Variants in DENND1B observed in about 807,000 individuals in gnomAD.
The protein encoded by DENND1B is DENN domain-containing protein 1B.
In DENND1B, 59 loss-of-function variants were observed where a neutral mutation model predicts 90.1. The observed-to-expected ratio is 0.65, with a 90% CI of 0.53 to 0.81. The LOEUF (loss-of-function observed/expected upper bound fraction) is 0.81. Among genes scored for constraint, DENND1B ranks in the 40% least tolerant of loss-of-function variants. The pLI is 0.00. For synonymous variants in DENND1B, 337 were observed against 324.6 expected (o/e 1.04, Z -0.41); for missense variants, 862 against 912.6 (o/e 0.94, Z 0.71).
intron 10 of DENND1B, among the ~76,000 whole-genome samples, chr1:197,619,397 A>T (rs1170666881): frequency 6.6e-6 from 1 of 151,078 alleles, no homozygotes; most frequent in Non-Finnish European, 1.5e-5. Flanking sequence ...GACTGTATTA[A>T]CTCTTTCCAC....
At chr1:197,642,613 A>G (rs1354825079) in intron 10 of DENND1B, 98 bp downstream of exon 10, 17 of 745,702 alleles carry the variant, frequency 2.3e-5, no homozygotes, top group Non-Finnish European at 3.5e-5. Flanking sequence ...ATATTGTCTT[A>G]TAAGTACACA....
At chr1:197,766,907 C>T (rs959914291) in intron 2 of DENND1B, among the ~76,000 whole-genome samples, 1 of 152,092 alleles carries the variant, frequency 6.6e-6, no homozygotes, top group Non-Finnish European at 1.5e-5. Context: ...GATTCTCCTG[C>T]CTCAGCCTCT....
chr1:197,572,230 C>T (rs1673229585), intron 15 of DENND1B, among the ~76,000 whole-genome samples: 2 of 152,170 alleles, frequency 1.3e-5, no homozygotes, highest in Admixed American at 1.3e-4. Context: ...GCGCTTTTCC[C>T]ATGGTCTTAG....
chr1:197,556,057 A>G (rs1281871617), intron 15 of DENND1B, among the ~76,000 whole-genome samples: 2 of 152,040 alleles, frequency 1.3e-5, no homozygotes, highest in Admixed American at 6.6e-5. Context: ...TTTGCAACCA[A>G]TAAATGATGC....
At chr1:197,713,820 A>ACTATTGT (rs1558433024) in intron 3 of DENND1B, among the ~76,000 whole-genome samples, 73 of 56,050 alleles carry the variant, frequency 1.3e-3, no homozygotes, top group African/African-American at 3.4e-3. Flanking sequence ...ATTATATATA[A>ACTATTGT]TATATTATAT....
At chr1:197,600,617 T>C (rs1676117910) in intron 13 of DENND1B, among the ~76,000 whole-genome samples, 1 of 151,876 alleles carries the variant, frequency 6.6e-6, no homozygotes, top group African/African-American at 2.4e-5. Context: ...TATTTTGATC[T>C]AAGAATGAGT....
intron 2 of DENND1B, among the ~76,000 whole-genome samples, chr1:197,729,712 C>G (rs999907546): frequency 6.6e-6 from 1 of 152,186 alleles, no homozygotes; most frequent in Admixed American, 6.5e-5. Context: ...ATGTACAGCA[C>G]AGTACCTCTC....
chr1:197,559,527 T>G (rs1671989430), intron 15 of DENND1B, among the ~76,000 whole-genome samples: 1 of 151,922 alleles, frequency 6.6e-6, no homozygotes, highest in African/African-American at 2.4e-5. Flanking sequence ...TATCTCACAT[T>G]AGAAACCCTT....
At chr1:197,583,310 G>A in intron 14 of DENND1B, 57 bp from the exon 15 acceptor site, 1 of 1,515,748 alleles carries the variant, frequency 6.6e-7, no homozygotes, top group South Asian at 1.1e-5. Flanking sequence ...GAGAGAACTA[G>A]TCTCTTTAAA....
intron 10 of DENND1B, among the ~76,000 whole-genome samples, chr1:197,641,477 C>CAGTAAT (rs1680263716): frequency 2.0e-5 from 3 of 152,118 alleles, no homozygotes; most frequent in Admixed American, 1.3e-4. Flanking sequence ...GATATTACTG[C>CAGTAAT]ATCATTTATC....
intron 10 of DENND1B, among the ~76,000 whole-genome samples, chr1:197,618,088 C>A (rs1410896411): frequency 6.6e-6 from 1 of 151,042 alleles, no homozygotes; most frequent in African/African-American, 2.4e-5. Flanking sequence ...TAGGAAATTA[C>A]AATTTGTACA....
At chr1:197,544,905 GAAGAAGAAAAGAAGAAGAAAA>G (rs1670636627) in intron 18 of DENND1B, among the ~76,000 whole-genome samples, 3 of 7,830 alleles carry the variant, frequency 3.8e-4, no homozygotes, top group Admixed American at 2.0e-3. Flanking sequence ...GAAGAAGAAA[GAAGAAGAAAAGAAGAAGAAAA>G]GAGAAGAAGA....
chr1:197,625,821 A>C (rs971260056), intron 10 of DENND1B, among the ~76,000 whole-genome samples: 6 of 152,174 alleles, frequency 3.9e-5, no homozygotes, highest in Non-Finnish European at 8.8e-5. Flanking sequence ...AAAAGGATGG[A>C]GGAAGATCTA....
intron 10 of DENND1B, among the ~76,000 whole-genome samples, chr1:197,618,834 C>G (rs1677890999): frequency 6.6e-6 from 1 of 150,684 alleles, no homozygotes; most frequent in Non-Finnish European, 1.5e-5. Context: ...TATTATTATA[C>G]AAAGATATTT....
intron 2 of DENND1B, among the ~76,000 whole-genome samples, chr1:197,768,881 A>G (rs887004821): frequency 6.6e-6 from 1 of 152,146 alleles, no homozygotes; most frequent in Non-Finnish European, 1.5e-5. Flanking sequence ...AAAAATCAAT[A>G]TAATGCCTCT....
At chr1:197,770,777 A>AAT (rs1419686658) in intron 2 of DENND1B, among the ~76,000 whole-genome samples, 1 of 136,790 alleles carries the variant, frequency 7.3e-6, no homozygotes, top group African/African-American at 2.8e-5. Context: ...TATATCTATA[A>AAT]ATATATAAAT....
intron 3 of DENND1B, among the ~76,000 whole-genome samples, chr1:197,674,708 G>C (rs1029384726): frequency 7.4e-5 from 11 of 148,904 alleles, no homozygotes; most frequent in African/African-American, 2.5e-4. Context: ...TATAGCCAAA[G>C]AAACATTTAC....
chr1:197,557,833 G>C (rs1169390534), intron 15 of DENND1B, among the ~76,000 whole-genome samples: 1 of 151,706 alleles, frequency 6.6e-6, no homozygotes, highest in East Asian at 1.9e-4. Context: ...AATAACTCTG[G>C]AGCATTTCAT....
intron 15 of DENND1B, among the ~76,000 whole-genome samples, chr1:197,579,313 C>A (rs541098273): frequency 6.6e-6 from 1 of 152,076 alleles, no homozygotes; most frequent in African/African-American, 2.4e-5. Flanking sequence ...GCATAGAATT[C>A]TATGTATTTT....
Sources: gnomAD v4.1 joint callset for allele counts (sites outside exome capture counted in the v4.1 genomes callset) on GRCh38, gnomAD v4.1.1 for gene constraint, MANE v1.5 for transcripts, NCBI Gene and HGNC (gene_info 2026-07-23, HGNC 2026-07-21) for gene names.